Variants in RARB observed in about 807,000 individuals in gnomAD.
RARB encodes the protein HBV-activated protein.
A neutral mutation model predicts 51.9 loss-of-function variants in RARB; 17 were observed. That is an observed-to-expected ratio of 0.33 (90% CI 0.22 to 0.49). The LOEUF (loss-of-function observed/expected upper bound fraction) is 0.49, where lower values mean the gene tolerates loss of function less well. RARB is among the 20% of genes least tolerant of loss of function. The pLI, the probability that RARB is intolerant of heterozygous loss-of-function variation, is 0.99. For synonymous variants in RARB, 215 were observed against 195.4 expected (o/e 1.10, Z -0.84); for missense variants, 369 against 550.8 (o/e 0.67, Z 3.30).
In RARB at chr3:25,505,118, A is replaced by G. The variant is rs1379024211; in HGVS notation, c.448+3795A>G. 3.3e-5 allele frequency among the ~76,000 whole-genome samples: 5 copies of G among 152,240 alleles called. No individual in the cohort carries two copies. The South Asian group carries it at 1.0e-3, about 32-fold the overall frequency. ...TTAATGCTTTATCCCATTGATCTTC[A>G]TAACAACCCTATGAGATAGATTAGT... On this transcript the variant is annotated intron_variant, in intron 3 of 7. Coordinates refer to ENST00000330688, the MANE Select transcript of RARB (RefSeq NM_000965.5).
rs188750536 is a variant in RARB at position 25,546,387 on chromosome 3, G to A, written c.449-23371G>A. Among the ~76,000 whole-genome samples the A allele has an allele frequency of 3.4e-3, 516 of 152,290 alleles. 4 individuals are homozygous for A. Among genetic ancestry groups the A allele is most frequent in the African/African-American group, 0.012 (492 of 41,558 alleles). On this transcript the variant is annotated intron_variant, in intron 3 of 7. Transcript: ENST00000330688. ...GGCAGGGCAGAGGCAGAGAGAGTGT[G>A]AGGAGGCTACAGAAGCTAACCCGAT...
chr3:24,863,348 C>T (rs1419868139), intron 2 of RARB, among the ~76,000 whole-genome samples: 1 of 152,136 alleles, frequency 6.6e-6, no homozygotes, highest in Non-Finnish European at 1.5e-5. Flanking sequence ...ATGACAATTC[C>T]CTGTCTATAA....
rs376653423 is a variant in RARB at position 25,594,709 on chromosome 3, A to C, written c.1150+31A>C. ...TCTTCGTGCTCTCAGTACTGTAGTC[A>C]CACAGTGGACTTGAGGGCCTTACCA... On this transcript the variant is annotated intron_variant, in intron 7 of 7. Transcript: ENST00000330688. The C allele has an allele frequency of 2.4e-4, 373 of 1,524,628 alleles. 1 individual carries two copies. Among genetic ancestry groups the C allele is most frequent in the Non-Finnish European group, 3.1e-4 (357 of 1,136,454 alleles). 94.4% of individuals were successfully genotyped at this position (1,524,628 alleles called of 1,614,324 possible).
At chr3:25,473,923 A>AAAAAAAAAAAAC (rs1017286819) in intron 2 of RARB, among the ~76,000 whole-genome samples, 11 of 150,558 alleles carry the variant, frequency 7.3e-5, no homozygotes, top group African/African-American at 2.7e-4. Flanking sequence ...TCTGGCAGGA[A>AAAAAAAAAAAAC]AAAAAAAAAA....
chr3:25,146,503 G>GTTTTTTTTTTTTTTTTTT (rs1364462708), intron 4 of RARB, among the ~76,000 whole-genome samples: 5 of 73,520 alleles, frequency 6.8e-5, no homozygotes, highest in African/African-American at 1.9e-4. Context: ...TTTTTTGTTT[G>GTTTTTTTTTTTTTTTTTT]TTTGTTTGTT....
At chr3:25,135,451 A>T (rs1363547277) in intron 4 of RARB, among the ~76,000 whole-genome samples, 1 of 151,956 alleles carries the variant, frequency 6.6e-6, no homozygotes, top group African/African-American at 2.4e-5. Context: ...CTGCTAGCTG[A>T]AAACCAGAGA....
rs372084473 is a variant in RARB, at chr3:24,901,995, A to T, written c.-380+43243A>T. ...CCAACCTAATATAGCAATATATATA[A>T]AATATAAATATATATAACATACATA... On this transcript the variant is annotated intron_variant, in intron 2 of 11. Coordinates refer to the RARB transcript ENST00000383772. 7.3e-5 allele frequency among the ~76,000 whole-genome samples: 11 copies of T among 151,212 alleles called. No homozygotes were observed. The East Asian group carries it at 2.1e-3, about 29-fold the overall frequency.
intron 1 of RARB, among the ~76,000 whole-genome samples, chr3:25,443,256 G>A (rs940942540): frequency 3.3e-5 from 5 of 152,128 alleles, no homozygotes; most frequent in African/African-American, 9.7e-5. Context: ...GGCAAAGTAA[G>A]TAAGCCCTTA....
intron 5 of RARB, among the ~76,000 whole-genome samples, chr3:25,584,638 G>A (rs1186277961): frequency 2.6e-5 from 4 of 152,130 alleles, no homozygotes; most frequent in East Asian, 3.9e-4. Context: ...CAGCGGGGGC[G>A]AGACCTTAGA....
intron 2 of RARB, among the ~76,000 whole-genome samples, chr3:24,871,621 A>G (rs1427134883): frequency 6.6e-6 from 1 of 152,108 alleles, no homozygotes; most frequent in East Asian, 1.9e-4. Context: ...TCTTGCATTC[A>G]ATGTTCTCGC....
At chr3:25,378,132 A>C (rs186651695) in intron 5 of RARB, among the ~76,000 whole-genome samples, 1 of 152,340 alleles carries the variant, frequency 6.6e-6, no homozygotes, top group East Asian at 1.9e-4. Flanking sequence ...GACAATTAAA[A>C]TGAACCTTAT....
chr3:25,337,823 C>T (rs1385625649), intron 5 of RARB, among the ~76,000 whole-genome samples: 1 of 152,024 alleles, frequency 6.6e-6, no homozygotes, highest in Non-Finnish European at 1.5e-5. Flanking sequence ...CTTGTTTGCC[C>T]TCTTCCCTGT....
intron 3 of RARB, among the ~76,000 whole-genome samples, chr3:25,562,961 C>G (rs1446758755): frequency 6.6e-6 from 1 of 152,178 alleles, no homozygotes; most frequent in Non-Finnish European, 1.5e-5. Flanking sequence ...TCTGTATATT[C>G]TGATATTTCA....
chr3:25,346,520 A>G (rs1469270236), intron 5 of RARB, among the ~76,000 whole-genome samples: 1 of 152,064 alleles, frequency 6.6e-6, no homozygotes, highest in Non-Finnish European at 1.5e-5. Context: ...TGTTTCCTGT[A>G]TGTCTCAGAT....
At chr3:25,323,472 T>C (rs955259584) in intron 5 of RARB, among the ~76,000 whole-genome samples, 1 of 152,262 alleles carries the variant, frequency 6.6e-6, no homozygotes, top group African/African-American at 2.4e-5. Flanking sequence ...TGAGTGACTG[T>C]ACACTATAAT....
intron 5 of RARB, among the ~76,000 whole-genome samples, chr3:25,347,449 C>G (rs937324253): frequency 6.6e-6 from 1 of 152,164 alleles, no homozygotes; most frequent in Non-Finnish European, 1.5e-5. Flanking sequence ...TGATAGTGTT[C>G]TACAAAAATT....
intron 4 of RARB, among the ~76,000 whole-genome samples, chr3:25,149,611 C>T (rs141973362): frequency 1.9e-4 from 29 of 152,288 alleles, no homozygotes; most frequent in East Asian, 9.7e-4. Context: ...ACAGAATCAC[C>T]CTCTACTATT....
chr3:25,475,822 C>T (rs1425103386), intron 2 of RARB, among the ~76,000 whole-genome samples: 2 of 152,330 alleles, frequency 1.3e-5, no homozygotes, highest in East Asian at 3.9e-4. Context: ...CTCACAGTAA[C>T]ATCCTTTCTT....
intron 1 of RARB, among the ~76,000 whole-genome samples, chr3:25,456,134 C>CT (rs1257084882): frequency 6.6e-6 from 1 of 152,170 alleles, no homozygotes; most frequent in Non-Finnish European, 1.5e-5. Flanking sequence ...TTGTGCTTGC[C>CT]TGCAATAAGG....
Sources: allele counts gnomAD v4.1 joint callset (sites outside exome capture counted in the v4.1 genomes callset), GRCh38; gene constraint gnomAD v4.1.1; transcripts MANE v1.5; gene names NCBI Gene and HGNC (gene_info 2026-07-23, HGNC 2026-07-21).